The following MED27 variants were observed in gnomAD, a reference collection of about 807,000 sequenced individuals.
The protein encoded by MED27 is mediator complex subunit 27, also known as mediator of RNA polymerase II transcription subunit 27.
MED27 carries 30 observed loss-of-function variants against 38.2 expected under a neutral mutation model. The observed-to-expected ratio is 0.79, with a 90% CI of 0.59 to 1.07. MED27 has a LOEUF of 1.07. Ranked by LOEUF, MED27 falls within the 50% of genes least tolerant of loss-of-function variation. The pLI, the probability that MED27 is intolerant of heterozygous loss-of-function variation, is 0.00. For synonymous variants in MED27, 122 were observed against 153.5 expected (o/e 0.79, Z 1.52); for missense variants, 289 against 397.5 (o/e 0.73, Z 2.32).
At chr9:131,976,372 T>A (rs1170123007) in intron 3 of MED27, among the ~76,000 whole-genome samples, 3 of 152,298 alleles carry the variant, frequency 2.0e-5, no homozygotes, top group African/African-American at 7.2e-5. Flanking sequence ...CTCTCCATTA[T>A]CCTAATCAGC....
chr9:131,986,085 C>G (rs1035232020), intron 3 of MED27, among the ~76,000 whole-genome samples: 1 of 151,996 alleles, frequency 6.6e-6, no homozygotes, highest in African/African-American at 2.4e-5. Flanking sequence ...AACGTCATAA[C>G]AAAAGAATCA....
chr9:131,981,255 A>T (rs1831729292), intron 3 of MED27, among the ~76,000 whole-genome samples: 1 of 152,184 alleles, frequency 6.6e-6, no homozygotes, highest in African/African-American at 2.4e-5. Flanking sequence ...GAAAACCACT[A>T]TTTGTCTTGG....
chr9:131,969,966 T>TGG (rs200376925), intron 3 of MED27, among the ~76,000 whole-genome samples: 6 of 150,136 alleles, frequency 4.0e-5, no homozygotes, highest in Non-Finnish European at 8.9e-5. Context: ...GCTGGAGGGC[T>TGG]GGGGGGGGGT....
At chr9:131,952,647 A>T (rs751802509) in intron 3 of MED27, among the ~76,000 whole-genome samples, 3 of 152,190 alleles carry the variant, frequency 2.0e-5, no homozygotes, top group Non-Finnish European at 2.9e-5. Flanking sequence ...GTGGAAAAGC[A>T]GTGAGGTCAG....
At chr9:131,973,886 T>A (rs74815366) in intron 3 of MED27, among the ~76,000 whole-genome samples, 1 of 151,230 alleles carries the variant, frequency 6.6e-6, no homozygotes, top group African/African-American at 2.4e-5. Context: ...TTTTTCTATT[T>A]TTTTTTTTTT....
intron 3 of MED27, among the ~76,000 whole-genome samples, chr9:131,991,209 T>C (rs1243125109): frequency 6.6e-6 from 1 of 152,182 alleles, no homozygotes; most frequent in Non-Finnish European, 1.5e-5. Context: ...AAAATGCAAG[T>C]GCCATCAGGG....
At chr9:132,046,069 T>C (rs1833331120) in intron 2 of MED27, among the ~76,000 whole-genome samples, 3 of 152,250 alleles carry the variant, frequency 2.0e-5, no homozygotes, top group Admixed American at 6.5e-5. Flanking sequence ...GAGAGGTTTA[T>C]GTTATTTTAT....
chr9:132,020,562 T>C (rs1832695786), intron 2 of MED27, among the ~76,000 whole-genome samples: 1 of 152,232 alleles, frequency 6.6e-6, no homozygotes, highest in African/African-American at 2.4e-5. Flanking sequence ...ATCAGGAAAC[T>C]TTGTCACCAC....
intron 4 of MED27, among the ~76,000 whole-genome samples, chr9:131,909,415 T>A (rs902360274): frequency 3.3e-5 from 5 of 152,138 alleles, no homozygotes; most frequent in African/African-American, 1.2e-4. Flanking sequence ...GTGAGCAGCA[T>A]TAGTGTGGAC....
At chr9:131,987,518 G>A (rs995812589) in intron 3 of MED27, among the ~76,000 whole-genome samples, 1 of 152,186 alleles carries the variant, frequency 6.6e-6, no homozygotes, top group African/African-American at 2.4e-5. Flanking sequence ...AATAGAGTCT[G>A]TCTTAAAGAA....
rs547408872 is a variant in MED27, at chr9:131,913,511, T to A, written c.574-19519A>T. The stretch of plus-strand genomic sequence containing the variant: ...CAGTAGGCATATTAAGTGGTAGCAG[T>A]CATCAGAATAATATTCACAGTGGCA... On this transcript the variant is annotated intron_variant, in intron 4 of 7. Transcript: ENST00000292035. The surrounding 1 kb of genome is among the most constrained non-coding windows in gnomAD (Gnocchi z 4.5). Among the ~76,000 whole-genome samples, 3 of 152,302 alleles carry A rather than the reference T, an allele frequency of 2.0e-5. No homozygotes were observed. Among genetic ancestry groups the A allele is most frequent in the South Asian group, 4.1e-4 (2 of 4,830 alleles).
intron 3 of MED27, among the ~76,000 whole-genome samples, chr9:131,955,986 TATTAGCAAATAGAATCCAGCAATA>T (rs1158682784): frequency 2.0e-5 from 3 of 152,178 alleles, no homozygotes; most frequent in African/African-American, 4.8e-5. Context: ...CTTAATAAAA[TATTAGCAAATAGAATCCAGCAATA>T]TATAAAAAAG....
intron 3 of MED27, among the ~76,000 whole-genome samples, chr9:131,957,338 G>T (rs997061308): frequency 6.6e-6 from 1 of 151,788 alleles, no homozygotes; most frequent in Non-Finnish European, 1.5e-5. Flanking sequence ...CACTGTAGCT[G>T]CAATCTCCCG....
intron 3 of MED27, among the ~76,000 whole-genome samples, chr9:132,000,392 C>T (rs978141057): frequency 1.3e-5 from 2 of 152,062 alleles, no homozygotes; most frequent in African/African-American, 2.4e-5. Flanking sequence ...AACTCTCATA[C>T]CCTGCTGGTG....
intron 3 of MED27, among the ~76,000 whole-genome samples, chr9:131,952,414 C>T (rs775285644): frequency 5.3e-4 from 80 of 152,266 alleles, no homozygotes; most frequent in Non-Finnish European, 6.9e-4. Flanking sequence ...TTGTTCCTGG[C>T]GGCAGGGGGG....
chr9:132,058,466 C>G (rs1448542069), intron 2 of MED27, among the ~76,000 whole-genome samples: 1 of 152,094 alleles, frequency 6.6e-6, no homozygotes, highest in Non-Finnish European at 1.5e-5. Context: ...CCCCTTTGCT[C>G]AGCACTTCTC....
chr9:132,008,030 C>T (rs1047328673), intron 3 of MED27, among the ~76,000 whole-genome samples: 1 of 152,172 alleles, frequency 6.6e-6, no homozygotes, highest in Non-Finnish European at 1.5e-5. Context: ...TAAATAAGAT[C>T]TCGGTTTGCT....
chr9:131,884,487 A>AC (rs1411811319), intron 5 of MED27, among the ~76,000 whole-genome samples: 1 of 150,428 alleles, frequency 6.6e-6, no homozygotes, highest in African/African-American at 2.5e-5. Flanking sequence ...TTTCCCATAA[A>AC]CCCCCATGTG....
chr9:131,992,777 T>G (rs1259110900), intron 3 of MED27, among the ~76,000 whole-genome samples: 1 of 152,118 alleles, frequency 6.6e-6, no homozygotes, highest in African/African-American at 2.4e-5. Flanking sequence ...CCCATAAGCC[T>G]TCCTCCTTGC....
Sources: gnomAD v4.1 joint callset for allele counts (sites outside exome capture counted in the v4.1 genomes callset) on GRCh38, gnomAD v4.1.1 for gene constraint, Gnocchi (gnomAD v3.1) non-coding constraint, MANE v1.5 for transcripts, NCBI Gene and HGNC (gene_info 2026-07-23, HGNC 2026-07-21) for gene names.